Variants in NCK1 observed in about 807,000 individuals in gnomAD.
The protein encoded by NCK1 is NCK adaptor protein 1, also known as SH2/SH3 adapter protein NCK1.
A neutral mutation model predicts 36.6 loss-of-function variants in NCK1; 19 were observed. The observed-to-expected ratio is 0.52, with a 90% confidence interval of 0.36 to 0.76. The LOEUF is 0.76. NCK1 is among the 30% of genes least tolerant of loss of function. NCK1 has a pLI of 0.00. For synonymous variants in NCK1, 165 were observed against 156.0 expected, an observed-to-expected ratio of 1.06 and a Z score of -0.43; for missense variants, 358 against 445.6, an observed-to-expected ratio of 0.80 and a Z score of 1.77.
intron 1 of NCK1, among the ~76,000 whole-genome samples, chr3:136,868,412 C>T (rs568273854): frequency 6.6e-6 from 1 of 152,132 alleles, no homozygotes; most frequent in East Asian, 1.9e-4. Flanking sequence ...ACTGTACCCT[C>T]TGCATCCCAG....
intron 1 of NCK1, among the ~76,000 whole-genome samples, chr3:136,876,741 T>C (rs1206082684): frequency 6.6e-6 from 1 of 152,150 alleles, no homozygotes; most frequent in African/African-American, 2.4e-5. Context: ...GAGTAATACT[T>C]AGTCAAAGGA....
chr3:136,890,205 G>A (rs939465340), intron 1 of NCK1, among the ~76,000 whole-genome samples: 2 of 152,200 alleles, frequency 1.3e-5, no homozygotes, highest in African/African-American at 4.8e-5. Flanking sequence ...GGCATTGCTG[G>A]GGGACCCAGT....
chr3:136,914,304 G>A (rs551013083), intron 1 of NCK1, among the ~76,000 whole-genome samples: 26 of 152,340 alleles, frequency 1.7e-4, no homozygotes, highest in African/African-American at 6.0e-4. Flanking sequence ...GGTAGTCACT[G>A]CTGAACTAAG....
At chr3:136,903,147 A>G (rs918202455) in intron 1 of NCK1, among the ~76,000 whole-genome samples, 6 of 152,160 alleles carry the variant, frequency 3.9e-5, no homozygotes, top group East Asian at 1.9e-4. Flanking sequence ...GGTGCCTTAT[A>G]TGTTTGGAAT....
chr3:136,926,567 G>A (rs1037786263), intron 1 of NCK1, among the ~76,000 whole-genome samples: 4 of 152,082 alleles, frequency 2.6e-5, no homozygotes, highest in East Asian at 1.9e-4. Flanking sequence ...GAGCCACCGC[G>A]CCCGGCCACT....
chr3:136,945,801 A>C lies in NCK1; in HGVS notation c.445A>C (p.Asn149His). The C allele has an allele frequency of 6.2e-7, 1 of 1,614,108 alleles. No individual in the cohort carries two copies. The highest frequency in any genetic ancestry group is 8.5e-7 in the Non-Finnish European group (1 of 1,180,000). ...CSDGWWRGSY[N>H]GQVGWFPSNY... ...TGATGGGTGGTGGCGTGGTAGCTACAATGGACAAGTTGGATGGTTCCCTTC... is the reference window on the plus strand; with the variant it reads ...TGATGGGTGGTGGCGTGGTAGCTACCATGGACAAGTTGGATGGTTCCCTTC... The change falls in exon 3 of 4, where the codon AAT becomes CAT. Residue 149 changes from asparagine (N) to histidine (H), a missense_variant. By Grantham distance (68) the Asn-to-His change is moderately conservative. Around this residue, in one of 3 missense-constraint regions of NCK1, gnomAD observed 8 missense variants for 29.8 expected, o/e 0.27. Coordinates refer to ENST00000481752, the MANE Select transcript of NCK1 (RefSeq NM_001291999.2).
chr3:136,943,352 G>T (rs1171121030), intron 2 of NCK1, among the ~76,000 whole-genome samples: 1 of 152,164 alleles, frequency 6.6e-6, no homozygotes, highest in African/African-American at 2.4e-5. Context: ...AGTTGATTTA[G>T]GGGTATAGAC....
chr3:136,875,424 A>G (rs1938738598), intron 1 of NCK1, among the ~76,000 whole-genome samples: 1 of 152,062 alleles, frequency 6.6e-6, no homozygotes, highest in African/African-American at 2.4e-5. Flanking sequence ...GTTGAATAGG[A>G]GTGGTGAGAG....
chr3:136,949,674 T>C lies in NCK1; in HGVS notation c.*1221T>C, dbSNP rs944881769. The C allele has an allele frequency of 1.3e-5, 2 of 152,006 alleles. No individual in the cohort carries two copies. The highest frequency in any genetic ancestry group is 1.9e-4 in the East Asian group (1 of 5,200). 9.4% of individuals were successfully genotyped at this position (152,006 alleles called of 1,614,324 possible). Reference sequence around the variant, plus strand: ...AGTAAAGTAGCCATCAGTATTTTAATTGAAAAATACTAAAGCCACATAACT... The same window carrying C: ...AGTAAAGTAGCCATCAGTATTTTAACTGAAAAATACTAAAGCCACATAACT... On this transcript the variant is annotated 3_prime_UTR_variant, in exon 4 of 4. Coordinates refer to ENST00000481752, the MANE Select transcript of NCK1 (RefSeq NM_001291999.2).
chr3:136,905,007 CT>C (rs71304270), intron 1 of NCK1, among the ~76,000 whole-genome samples: 159 of 128,328 alleles, frequency 1.2e-3, no homozygotes, highest in Admixed American at 2.3e-3. Flanking sequence ...TTGGTTTTTC[CT>C]TTTTTTTTTT....
intron 1 of NCK1, among the ~76,000 whole-genome samples, chr3:136,873,939 A>G (rs1399367618): frequency 6.6e-6 from 1 of 152,222 alleles, no homozygotes; most frequent in Non-Finnish European, 1.5e-5. Context: ...GCAGCATGAA[A>G]GTGGACTAAT....
In NCK1 at chr3:136,926,274, A is replaced by T. The variant is rs969977220; in HGVS notation, c.-18-1710A>T. Among the ~76,000 whole-genome samples, 4 of 150,896 alleles carry T rather than the reference A, an allele frequency of 2.7e-5. No homozygotes were observed. The East Asian group carries it at 7.8e-4, about 29-fold the overall frequency. The stretch of plus-strand genomic sequence containing the variant: ...AAATTTTATTTTAAATTTTATTATT[A>T]TTATTATTATTATTTTTTGATACAG... On this transcript the variant is annotated intron_variant, in intron 1 of 3. Coordinates refer to ENST00000481752, the MANE Select transcript of NCK1 (RefSeq NM_001291999.2).
intron 2 of NCK1, among the ~76,000 whole-genome samples, chr3:136,941,322 G>T (rs1250673609): frequency 6.6e-6 from 1 of 151,728 alleles, no homozygotes; most frequent in Non-Finnish European, 1.5e-5. Flanking sequence ...TAGAGACGAG[G>T]TCTCAGCATG....
Position 136,951,048 on chromosome 3 carries a change from A to C in NCK1, c.*2595A>C, listed in dbSNP as rs1940958921. The stretch of plus-strand genomic sequence containing the variant: ...CACCTTGCACTATTAGTGACAAATA[A>C]TACTGCTAAACAAAATAGGCTTCAT... On this transcript the variant is annotated 3_prime_UTR_variant, in exon 4 of 4. Coordinates refer to ENST00000481752, the MANE Select transcript of NCK1 (RefSeq NM_001291999.2). Among the ~76,000 whole-genome samples the C allele has an allele frequency of 6.6e-6, 1 of 152,202 alleles. No individual in the cohort carries two copies. The highest frequency in any genetic ancestry group is 1.5e-5 in the Non-Finnish European group (1 of 68,024).
intron 1 of NCK1, among the ~76,000 whole-genome samples, chr3:136,887,943 CTTTT>C (rs545194154): frequency 3.0e-5 from 4 of 134,090 alleles, no homozygotes; most frequent in African/African-American, 8.1e-5. Context: ...TTCTTTCTTT[CTTTT>C]TTTTTTTTTC....
chr3:136,898,321 C>T (rs776667877), intron 1 of NCK1, among the ~76,000 whole-genome samples: 13 of 146,664 alleles, frequency 8.9e-5, no homozygotes, highest in Non-Finnish European at 1.3e-4. Context: ...CACTTGAACC[C>T]GGGAGGCGGA....
At position 136,928,210 on chromosome 3, in the gene NCK1, A is replaced by C; in HGVS notation, c.209A>C (p.Asn70Thr). ...NSARKASIVKNLKDTLGIGKV... is the reference protein window; with the variant it reads ...NSARKASIVKTLKDTLGIGKV... ...GCTCGGAAAGCATCTATTGTGAAAA[A>C]CCTAAAGGATACCTTAGGTAAGATA... The change falls in exon 2 of 4, where the codon AAC becomes ACC. Residue 70 changes from asparagine (N) to threonine (T), a missense_variant. By Grantham distance (65) the Asn-to-Thr change is moderately conservative. This residue lies in a region of NCK1 where 143 missense variants were observed against 162.4 expected (regional missense o/e 0.88). Coordinates refer to ENST00000481752, the MANE Select transcript of NCK1 (RefSeq NM_001291999.2). 6.2e-7 allele frequency: 1 copy of C among 1,610,800 alleles called. No homozygotes were observed. Among genetic ancestry groups the C allele is most frequent in the African/African-American group, 1.3e-5 (1 of 74,728 alleles).
chr3:136,866,399 C>T (rs1476622939), intron 1 of NCK1, among the ~76,000 whole-genome samples: 7 of 151,794 alleles, frequency 4.6e-5, no homozygotes, highest in Admixed American at 3.3e-4. Flanking sequence ...CCTCTGCCTC[C>T]CGGGTTCAAG....
intron 2 of NCK1, among the ~76,000 whole-genome samples, chr3:136,942,043 T>G (rs1940692607): frequency 6.6e-6 from 1 of 152,204 alleles, no homozygotes; most frequent in Non-Finnish European, 1.5e-5. Flanking sequence ...TTTCACCATG[T>G]TGGCCAGGCT....
Sources: allele counts gnomAD v4.1 joint callset (sites outside exome capture counted in the v4.1 genomes callset), GRCh38; gene constraint gnomAD v4.1.1; regional missense constraint gnomAD v4.1.1; transcripts MANE v1.5; gene names NCBI Gene and HGNC (gene_info 2026-07-23, HGNC 2026-07-21).